Variants in NTRK3 observed in about 807,000 individuals in gnomAD.
NTRK3 encodes the protein NT-3 growth factor receptor.
Under a neutral mutation model 91.7 loss-of-function variants are expected in NTRK3, and 24 were observed. The observed-to-expected ratio is 0.26, with a 90% confidence interval of 0.19 to 0.37. NTRK3 has a LOEUF of 0.37. Ranked by LOEUF, NTRK3 falls within the 10% of genes least tolerant of loss-of-function variation. The pLI, the probability that NTRK3 is intolerant of heterozygous loss-of-function variation, is 1.00. For synonymous variants in NTRK3, 483 were observed against 404.0 expected (o/e 1.20, Z -2.34); for missense variants, 880 against 1,068.9 (o/e 0.82, Z 2.46).
chr15:87,903,657 G>T (rs1479673964), intron 17 of NTRK3, among the ~76,000 whole-genome samples: 1 of 152,176 alleles, frequency 6.6e-6, no homozygotes, highest in Non-Finnish European at 1.5e-5. Flanking sequence ...CTGGGACTAA[G>T]AACAGACAAC....
At position 88,136,388 on chromosome 15, in the gene NTRK3, G is replaced by A. The variant is rs187558393; in HGVS notation, c.765+79C>T. ...TGTTTTTTCCTATAGTAACAAGACCGCAAATTTTCCCTCTTCTTCAAGACT... is the reference window on the plus strand; with the variant it reads ...TGTTTTTTCCTATAGTAACAAGACCACAAATTTTCCCTCTTCTTCAAGACT... On this transcript the variant is annotated intron_variant, in intron 8 of 18. Transcript: ENST00000394480. 2.1e-4 allele frequency: 337 copies of A among 1,587,814 alleles called. 2 individuals are homozygous for A. The East Asian group carries it at 6.2e-3, about 29-fold the overall frequency.
intron 14 of NTRK3, among the ~76,000 whole-genome samples, chr15:87,970,824 T>C (rs142424955): frequency 5.9e-5 from 9 of 152,186 alleles, no homozygotes; most frequent in African/African-American, 2.2e-4. Flanking sequence ...GAAAAAGATT[T>C]TTCTGCAAGT....
chr15:87,872,910 G>A (rs940783859), exon 19 of NTRK3: 1 of 232,932 alleles, frequency 4.3e-6, no homozygotes, highest in South Asian at 1.8e-4. Context: ...TCTCAAATGA[G>A]AAATAAGCTG....
chr15:88,218,676 C>A (rs1344462327), intron 3 of NTRK3, among the ~76,000 whole-genome samples: 1 of 152,196 alleles, frequency 6.6e-6, no homozygotes, highest in Non-Finnish European at 1.5e-5. Context: ...AGCATTATCC[C>A]TAGGCACAAG....
At chr15:87,964,420 G>A (rs896862314) in intron 14 of NTRK3, among the ~76,000 whole-genome samples, 1 of 149,996 alleles carries the variant, frequency 6.7e-6, no homozygotes, top group Non-Finnish European at 1.5e-5. Flanking sequence ...AAGCATCATT[G>A]AGTTCATACA....
At chr15:87,885,204 G>C (rs1247725119) in intron 17 of NTRK3, among the ~76,000 whole-genome samples, 1 of 151,862 alleles carries the variant, frequency 6.6e-6, no homozygotes, top group Non-Finnish European at 1.5e-5. Flanking sequence ...ATAAACCTTA[G>C]CAGAAAATGT....
At chr15:88,176,171 T>C (rs1384769104) in intron 5 of NTRK3, among the ~76,000 whole-genome samples, 26 of 138,024 alleles carry the variant, frequency 1.9e-4, no homozygotes, top group Non-Finnish European at 3.3e-4. Context: ...AGAGTCTCAC[T>C]CTGTCACCAG....
intron 13 of NTRK3, among the ~76,000 whole-genome samples, chr15:88,061,373 T>A (rs904786693): frequency 1.5e-4 from 23 of 152,366 alleles, no homozygotes; most frequent in African/African-American, 5.1e-4. Context: ...CTAAATGAAT[T>A]GTCTACTTGA....
At chr15:87,902,980 C>T (rs2066543869) in intron 17 of NTRK3, among the ~76,000 whole-genome samples, 1 of 152,092 alleles carries the variant, frequency 6.6e-6, no homozygotes, top group Non-Finnish European at 1.5e-5. Context: ...CCTCACAGGA[C>T]ACAGTTCACA....
intron 13 of NTRK3, among the ~76,000 whole-genome samples, chr15:88,102,650 G>A (rs2150889345): frequency 2.0e-5 from 3 of 152,156 alleles, no homozygotes; most frequent in Non-Finnish European, 4.4e-5. Flanking sequence ...ATATATCCAT[G>A]ATAATTAAAA....
intron 13 of NTRK3, among the ~76,000 whole-genome samples, chr15:88,092,070 C>G (rs1378196250): frequency 2.0e-5 from 3 of 152,186 alleles, no homozygotes; most frequent in Non-Finnish European, 2.9e-5. Context: ...CTCTGAAGCC[C>G]ACTTCTGCCT....
chr15:88,011,400 A>C (rs1019301844), intron 14 of NTRK3, among the ~76,000 whole-genome samples: 1 of 152,238 alleles, frequency 6.6e-6, no homozygotes, highest in Non-Finnish European at 1.5e-5. Flanking sequence ...GACTTACAAA[A>C]TATGCACATT....
intron 3 of NTRK3, among the ~76,000 whole-genome samples, chr15:88,186,364 C>G (rs886750627): frequency 1.3e-5 from 2 of 152,176 alleles, no homozygotes; most frequent in Admixed American, 6.5e-5. Context: ...GTCCTTATGC[C>G]CACAAACGGA....
intron 14 of NTRK3, among the ~76,000 whole-genome samples, chr15:87,953,870 T>C (rs1460723026): frequency 6.6e-6 from 1 of 152,196 alleles, no homozygotes; most frequent in African/African-American, 2.4e-5. Flanking sequence ...CCACTCCACT[T>C]TCTCTGCTTT....
At chr15:88,011,963 C>A (rs1372987815) in intron 14 of NTRK3, among the ~76,000 whole-genome samples, 1 of 152,160 alleles carries the variant, frequency 6.6e-6, no homozygotes, top group Non-Finnish European at 1.5e-5. Context: ...TTAACACACA[C>A]GAAGACCCAG....
chr15:88,102,128 C>T (rs1353291406), intron 13 of NTRK3, among the ~76,000 whole-genome samples: 1 of 152,108 alleles, frequency 6.6e-6, no homozygotes, highest in Non-Finnish European at 1.5e-5. Flanking sequence ...GACCTCTGCC[C>T]CTGCTTCAGG....
At chr15:88,146,838 C>A (rs2042932581) in intron 6 of NTRK3, among the ~76,000 whole-genome samples, 1 of 152,152 alleles carries the variant, frequency 6.6e-6, no homozygotes, top group Non-Finnish European at 1.5e-5. Context: ...CAAGTCCCAG[C>A]TTGGCTAGGC....
intron 14 of NTRK3, among the ~76,000 whole-genome samples, chr15:87,949,705 C>T (rs988085101): frequency 3.9e-5 from 6 of 152,158 alleles, no homozygotes; most frequent in African/African-American, 1.4e-4. Flanking sequence ...GCCTCCCTAC[C>T]ACAGTACGCC....
At chr15:88,099,250 C>T (rs1312889002) in intron 13 of NTRK3, 1 of 227,636 alleles carries the variant, frequency 4.4e-6, no homozygotes, top group Non-Finnish European at 8.7e-6. Context: ...CCAGGGAAAG[C>T]CGTCAAAATG....
Sources: gnomAD v4.1 joint callset for allele counts (sites outside exome capture counted in the v4.1 genomes callset) on GRCh38, gnomAD v4.1.1 for gene constraint, MANE v1.5 for transcripts, NCBI Gene and HGNC (gene_info 2026-07-23, HGNC 2026-07-21) for gene names.